The following EPB41L1 variants were observed in gnomAD, a reference collection of about 807,000 sequenced individuals.
EPB41L1 encodes erythrocyte membrane protein band 4.1 like 1.
EPB41L1 carries 29 observed loss-of-function variants against 97.8 expected under a neutral mutation model. That is an observed-to-expected ratio of 0.30 (90% CI 0.22 to 0.40). EPB41L1 has a LOEUF of 0.40. Among genes scored for constraint, EPB41L1 ranks in the 10% least tolerant of loss-of-function variants. The pLI is 1.00. For missense variants in EPB41L1, 812 were observed against 1,162.3 expected (o/e 0.70, Z 4.38); for synonymous variants, 383 against 459.2 (o/e 0.83, Z 2.12).
At chr20:36,220,932 C>T (rs139918023) in intron 19 of EPB41L1, among the ~76,000 whole-genome samples, 57 of 152,324 alleles carry the variant, frequency 3.7e-4, no homozygotes, top group African/African-American at 1.3e-3. Flanking sequence ...CCTTCATGCA[C>T]GGACTGTCCT....
chr20:36,197,458 A>T (rs907256236), intron 13 of EPB41L1, among the ~76,000 whole-genome samples: 1 of 152,208 alleles, frequency 6.6e-6, no homozygotes, highest in Non-Finnish European at 1.5e-5. Context: ...GCTCTCTGGC[A>T]GTTGCTGCCT....
At chr20:36,222,978 C>A (rs1232369865) in intron 21 of EPB41L1, among the ~76,000 whole-genome samples, 3 of 152,214 alleles carry the variant, frequency 2.0e-5, no homozygotes, top group African/African-American at 7.2e-5. Context: ...CTCACTGCAA[C>A]CTCTGGCTCC....
intron 2 of EPB41L1, among the ~76,000 whole-genome samples, chr20:36,143,246 T>C (rs1409587672): frequency 6.8e-6 from 1 of 147,796 alleles, no homozygotes; most frequent in East Asian, 2.0e-4. Flanking sequence ...GGCTTTGGGG[T>C]GGGAGTATGA....
intron 2 of EPB41L1, among the ~76,000 whole-genome samples, chr20:36,118,250 G>T (rs2058647871): frequency 6.6e-6 from 1 of 152,136 alleles, no homozygotes; most frequent in African/African-American, 2.4e-5. Context: ...TACTTGGGAG[G>T]CTGAGGCAGG....
At position 36,154,961 on chromosome 20, in the gene EPB41L1, C is replaced by T. The variant is rs757830361; in HGVS notation, c.-15+65C>T. The T allele has an allele frequency of 3.5e-4, 404 of 1,157,758 alleles. No homozygotes were observed. Among genetic ancestry groups the T allele is most frequent in the Non-Finnish European group, 4.3e-4 (392 of 918,610 alleles). The allele number at this position is 1,157,758 out of a possible 1,614,324, so 71.7% of individuals were successfully genotyped here. On this transcript the variant is annotated intron_variant, in intron 1 of 21. Coordinates refer to ENST00000338074, the MANE Select transcript of EPB41L1 (RefSeq NM_012156.2). The surrounding 1 kb of genome is among the most constrained non-coding windows in gnomAD (Gnocchi z 5.5). ...GGCTTGCAACATCTAGGCCCAGCCT[C>T]CAGCCCTGGGGAGGAACGGGGGCGA...
At chr20:36,215,717 ATCTATTC>A (rs2063402686) in intron 17 of EPB41L1, among the ~76,000 whole-genome samples, 2 of 152,158 alleles carry the variant, frequency 1.3e-5, no homozygotes, top group African/African-American at 4.8e-5. Context: ...CCATCCATCC[ATCTATTC>A]ATTCATTTGT....
Position 36,212,324 on chromosome 20 carries a change from T to G in EPB41L1, c.2132T>G (p.Ile711Ser). The G allele has an allele frequency of 6.2e-7, 1 of 1,614,138 alleles. No individual in the cohort carries two copies. The highest frequency in any genetic ancestry group is 8.5e-7 in the Non-Finnish European group (1 of 1,179,996). ...AGCAGTCTGGCCATTAGAAAGAAGA[T>G]TGAGCCGGAGGCCGTACTGCAGACC... is the stretch of plus-strand genomic sequence containing the variant. Reference protein sequence around the residue: ...TVSSLAIRKKIEPEAVLQTRV... With the variant: ...TVSSLAIRKKSEPEAVLQTRV... The change falls in exon 16 of 22, where the codon ATT becomes AGT. Residue 711 changes from isoleucine (I) to serine (S), a missense_variant. By Grantham distance (142) the Ile-to-Ser change is moderately radical. Around this residue, in one of 3 missense-constraint regions of EPB41L1, gnomAD observed 498 missense variants for 622.7 expected, o/e 0.80. Coordinates refer to ENST00000338074, the MANE Select transcript of EPB41L1 (RefSeq NM_012156.2). The surrounding 1 kb of genome is among the most constrained non-coding windows in gnomAD (Gnocchi z 4.8).
At chr20:36,226,401 T>C (rs909968440) in intron 21 of EPB41L1, among the ~76,000 whole-genome samples, 2 of 152,196 alleles carry the variant, frequency 1.3e-5, no homozygotes, top group African/African-American at 2.4e-5. Context: ...GGCTGTGCAC[T>C]CAACACAAGT....
chr20:36,111,000 A>G (rs2058383039), intron 1 of EPB41L1, among the ~76,000 whole-genome samples: 1 of 152,036 alleles, frequency 6.6e-6, no homozygotes, highest in Admixed American at 6.6e-5. Context: ...GAGTCATTTC[A>G]TCCTTCTAGG....
At chr20:36,117,663 A>AGATGATAGT (rs11281924) in intron 2 of EPB41L1, among the ~76,000 whole-genome samples, 49,439 of 151,890 alleles carry the variant, frequency 0.33, 10,627 homozygotes, top group African/African-American at 0.62. Context: ...AAGGTTACAC[A>AGATGATAGT]GACAGAGCAG....
intron 2 of EPB41L1, chr20:36,121,589 A>G (rs1021897667): frequency 1.3e-5 from 2 of 152,246 alleles, no homozygotes; most frequent in Admixed American, 6.5e-5. Context: ...CCTATGTGTC[A>G]TGTGCTCACA....
intron 2 of EPB41L1, among the ~76,000 whole-genome samples, chr20:36,116,383 C>T (rs1020197532): frequency 6.6e-6 from 1 of 152,084 alleles, no homozygotes; most frequent in Non-Finnish European, 1.5e-5. Context: ...ACAGAAGGTG[C>T]CTTCTTCTTC....
Position 36,219,156 on chromosome 20 carries a change from C to T in EPB41L1, c.2355+194C>T, listed in dbSNP as rs542857192. ...GCTAGAATCTCATGAGTGGCCCTCC[C>T]CACCGCCCACACATGTAAGTGGGGC... On this transcript the variant is annotated intron_variant, in intron 18 of 21. Coordinates refer to ENST00000338074, the MANE Select transcript of EPB41L1 (RefSeq NM_012156.2). 8.5e-5 allele frequency among the ~76,000 whole-genome samples: 13 copies of T among 152,342 alleles called. No homozygotes were observed. The South Asian group carries it at 2.7e-3, about 32-fold the overall frequency.
chr20:36,131,226 C>T (rs1306219894), intron 2 of EPB41L1, among the ~76,000 whole-genome samples: 8 of 152,034 alleles, frequency 5.3e-5, no homozygotes, highest in South Asian at 2.1e-4. Flanking sequence ...CCGCCCGCCT[C>T]GGCCTCCCAA....
At chr20:36,097,086 G>C (rs76774539) in intron 1 of EPB41L1, among the ~76,000 whole-genome samples, 3,109 of 152,344 alleles carry the variant, frequency 0.02, 117 homozygotes, top group African/African-American at 0.071. Flanking sequence ...CTTGGGTTCT[G>C]TGTCTTCCTG....
Position 36,175,655 on chromosome 20 carries a change from C to G in EPB41L1, c.282C>G (p.Tyr94Ter). The G allele has an allele frequency of 6.2e-7, 1 of 1,614,164 alleles. No homozygotes were observed. Among genetic ancestry groups the G allele is most frequent in the Non-Finnish European group, 8.5e-7 (1 of 1,180,034 alleles). Residue 94 changes from tyrosine (Y) to a stop codon, truncating the protein, a stop_gained, in exon 3 of 22, where the codon TAC becomes TAG. Coordinates refer to ENST00000338074, the MANE Select transcript of EPB41L1 (RefSeq NM_012156.2). LOFTEE classifies it high-confidence loss of function. ...QKSPQKIAKK[Y>*]KSAICRVTLL... ...CGCCCCAGAAGATTGCCAAGAAATACAAGAGTGCCATCTGCCGGGTCACTC... is the reference window on the plus strand; with the variant it reads ...CGCCCCAGAAGATTGCCAAGAAATAGAAGAGTGCCATCTGCCGGGTCACTC...
chr20:36,127,652 C>T (rs2059025771), intron 2 of EPB41L1, among the ~76,000 whole-genome samples: 1 of 152,134 alleles, frequency 6.6e-6, no homozygotes, highest in Non-Finnish European at 1.5e-5. Context: ...TTGGGCAGGT[C>T]TCTTCTCCCT....
In EPB41L1 at chr20:36,166,596, C is replaced by T. The variant is rs540676578; in HGVS notation, c.-14-7168C>T. Among the ~76,000 whole-genome samples the T allele has an allele frequency of 7.9e-5, 12 of 152,200 alleles. No homozygotes were observed. The East Asian group carries it at 1.9e-3, about 24-fold the overall frequency. On this transcript the variant is annotated intron_variant, in intron 1 of 21. Transcript: ENST00000338074. ...AGTTTGTGATAATTACTGTGAAAAC[C>T]GACCACCCAGCTGGGCGTGGTGACT...
At chr20:36,220,891 T>G (rs891762499) in intron 19 of EPB41L1, among the ~76,000 whole-genome samples, 2 of 152,176 alleles carry the variant, frequency 1.3e-5, no homozygotes, top group Admixed American at 1.3e-4. Flanking sequence ...TGATGAGCCA[T>G]CAGAGGAGAA....
Sources: gnomAD v4.1 joint callset for allele counts (sites outside exome capture counted in the v4.1 genomes callset) on GRCh38, gnomAD v4.1.1 for gene constraint, gnomAD v4.1.1 regional missense constraint, Gnocchi (gnomAD v3.1) non-coding constraint, MANE v1.5 for transcripts, NCBI Gene and HGNC (gene_info 2026-07-23, HGNC 2026-07-21) for gene names.